SLC17A1: variants seen among roughly 807,000 people sequenced by gnomAD.
The protein encoded by SLC17A1 is sodium-dependent phosphate transport protein 1.
A neutral mutation model predicts 53.5 loss-of-function variants in SLC17A1; 51 were observed. The observed-to-expected ratio is 0.95, with a 90% CI of 0.76 to 1.20. The LOEUF (loss-of-function observed/expected upper bound fraction) is 1.20, where lower values mean the gene tolerates loss of function less well. SLC17A1 is among the 50% of genes most tolerant of loss of function. The pLI, the probability that SLC17A1 is intolerant of heterozygous loss-of-function variation, is 0.00. For synonymous variants in SLC17A1, 179 were observed against 198.8 expected, an observed-to-expected ratio of 0.90 and a Z score of 0.84; for missense variants, 538 against 568.2, an observed-to-expected ratio of 0.95 and a Z score of 0.54.
the SLC17A1 span, among the ~76,000 whole-genome samples, chr6:25,736,683 C>T: frequency 6.6e-6 from 1 of 152,138 alleles, no homozygotes; most frequent in South Asian, 2.1e-4. Flanking sequence ...ATGGGCAGGT[C>T]TGACTCTCAG....
At chr6:25,777,760 G>A in the SLC17A1 span, 6 of 601,006 alleles carry the variant, frequency 1.0e-5, no homozygotes, top group South Asian at 1.2e-4. Flanking sequence ...GTTTCACCAA[G>A]GCTTACACAA....
rs745411804 is a variant in SLC17A1 at position 25,811,770 on chromosome 6, T to C, written c.898A>G (p.Asn300Asp). The change falls in exon 9 of 13, where the codon AAT (asparagine) becomes GAT (aspartate). Residue 300 changes from asparagine (N) to aspartate (D), a missense_variant and splice_region_variant. Physicochemically the swap from Asn to Asp is conservative, Grantham distance 23. Coordinates refer to ENST00000244527, the MANE Select transcript of SLC17A1 (RefSeq NM_005074.5). ...TAGGGAAGGGAAGACAAGAACCCAT[T>C]CTGAAGAGGAAACATTATTCTTGGA... is the stretch of plus-strand genomic sequence containing the variant. ...NSMLHVNIKE[N>D]GFLSSLPYLF... 2.5e-6 allele frequency: 4 copies of C among 1,613,582 alleles called. No homozygotes were observed. Among genetic ancestry groups the C allele is most frequent in the Non-Finnish European group, 3.4e-6 (4 of 1,179,654 alleles).
the SLC17A1 span, among the ~76,000 whole-genome samples, chr6:25,733,439 C>A: frequency 7.8e-4 from 119 of 152,120 alleles, no homozygotes; most frequent in Non-Finnish European, 1.5e-3. Context: ...TCCTAGGGCG[C>A]ATGTTTTCTT....
chr6:25,826,482 C>CT lies in SLC17A1; in HGVS notation c.185dup (p.Lys63GlufsTer5). ...GTACCTTTATATTATCCAGGAGCTTCTTTGTGGAGGTGTTGGGCAAACCAT... is the reference window on the plus strand; with the variant it reads ...GTACCTTTATATTATCCAGGAGCTTCTTTTGTGGAGGTGTTGGGCAAACCAT... On this transcript the variant is annotated frameshift_variant, in exon 3 of 13. Coordinates refer to ENST00000244527, the MANE Select transcript of SLC17A1 (RefSeq NM_005074.5). LOFTEE classifies it high-confidence loss of function. 6.2e-7 allele frequency: 1 copy of CT among 1,605,728 alleles called. No homozygotes were observed. Among genetic ancestry groups the CT allele is most frequent in the Non-Finnish European group, 8.5e-7 (1 of 1,176,650 alleles).
the SLC17A1 span, among the ~76,000 whole-genome samples, chr6:25,728,740 GGAGGCGGAGGTTGCAGT>G: frequency 6.6e-6 from 1 of 152,196 alleles, no homozygotes; most frequent in African/African-American, 2.4e-5. Flanking sequence ...CTTGAACCCG[GGAGGCGGAGGTTGCAGT>G]GAGCCGAGAT....
chr6:25,792,880 T>C (rs944690722), intron 12 of SLC17A1, among the ~76,000 whole-genome samples: 1 of 152,170 alleles, frequency 6.6e-6, no homozygotes, highest in African/African-American at 2.4e-5. Flanking sequence ...CATCTCTCAC[T>C]TGAACCTCTG....
At chr6:25,821,526 G>A (rs1206611205) in intron 3 of SLC17A1, among the ~76,000 whole-genome samples, 1 of 152,170 alleles carries the variant, frequency 6.6e-6, no homozygotes, top group Non-Finnish European at 1.5e-5. Context: ...GAAGCACCAA[G>A]GAAGTCAATA....
rs6933725 is a variant in SLC17A1 at position 25,819,939 on chromosome 6, C to A, written c.208-24G>T. 2.7e-6 allele frequency: 4 copies of A among 1,470,818 alleles called. No homozygotes were observed. The South Asian group carries it at 4.9e-5, about 18-fold the overall frequency. The allele number at this position is 1,470,818 out of a possible 1,614,324, so 91.1% of individuals were successfully genotyped here. ...TTCTAAAAGACAAGGGGGGACATGT[C>A]GAATCACTCTGCATATCAGAAATTT... On this transcript the variant is annotated intron_variant, in intron 3 of 12. Coordinates refer to ENST00000244527, the MANE Select transcript of SLC17A1 (RefSeq NM_005074.5).
chr6:25,799,517 G>A (rs1009783420), intron 11 of SLC17A1, among the ~76,000 whole-genome samples: 1 of 152,064 alleles, frequency 6.6e-6, no homozygotes, highest in Non-Finnish European at 1.5e-5. Context: ...GCTATCAGAG[G>A]AGAACCAGAA....
chr6:25,820,002 T>C, intron 3 of SLC17A1, 87 bp from the exon 4 acceptor site: 1 of 870,558 alleles, frequency 1.1e-6, no homozygotes, highest in Non-Finnish European at 1.8e-6. Flanking sequence ...CTGTTCTGGC[T>C]CACCTCATGG....
At chr6:25,769,923 A>G in the SLC17A1 span, 2 of 713,742 alleles carry the variant, frequency 2.8e-6, no homozygotes, top group Non-Finnish European at 4.7e-6. Flanking sequence ...AGGGTTTTTA[A>G]ATACATGATA....
intron 6 of SLC17A1, among the ~76,000 whole-genome samples, chr6:25,815,563 A>G (rs1402948467): frequency 6.6e-6 from 1 of 151,946 alleles, no homozygotes; most frequent in Non-Finnish European, 1.5e-5. Flanking sequence ...AGAAATGCAA[A>G]TACAACGTTT....
At chr6:25,737,345 A>G in the SLC17A1 span, among the ~76,000 whole-genome samples, 3 of 152,012 alleles carry the variant, frequency 2.0e-5, no homozygotes, top group Admixed American at 6.6e-5. Flanking sequence ...TCAGAAGTGG[A>G]CTCAGCTTCA....
the SLC17A1 span, among the ~76,000 whole-genome samples, chr6:25,752,979 A>C: frequency 0.049 from 7,384 of 151,546 alleles, 526 homozygotes; most frequent in African/African-American, 0.15. Flanking sequence ...CAAAAAAAAA[A>C]CACCAAACAT....
At chr6:25,805,859 G>T (rs1361652752) in intron 10 of SLC17A1, among the ~76,000 whole-genome samples, 2 of 151,946 alleles carry the variant, frequency 1.3e-5, no homozygotes, top group African/African-American at 4.8e-5. Context: ...CAAGCAGTGA[G>T]ATTAAATCAG....
chr6:25,726,822 T>C, the SLC17A1 span: 66 of 1,465,272 alleles, frequency 4.5e-5, no homozygotes, highest in East Asian at 1.5e-3. Flanking sequence ...TTTGGAGCTG[T>C]TTAATACTGA....
intron 3 of SLC17A1, among the ~76,000 whole-genome samples, chr6:25,822,606 T>C (rs1764602009): frequency 1.3e-5 from 2 of 152,164 alleles, no homozygotes; most frequent in Non-Finnish European, 2.9e-5. Flanking sequence ...CTGATGCATG[T>C]GCTAGAGAAA....
At chr6:25,815,710 C>T (rs887992631) in intron 6 of SLC17A1, among the ~76,000 whole-genome samples, 8 of 152,142 alleles carry the variant, frequency 5.3e-5, no homozygotes, top group Non-Finnish European at 1.0e-4. Context: ...AGGGCGTGGC[C>T]TCGGAACTTC....
the SLC17A1 span, chr6:25,726,146 C>G: frequency 6.5e-7 from 1 of 1,545,300 alleles, no homozygotes; most frequent in Non-Finnish European, 8.7e-7. Context: ...TTGCTTTGGG[C>G]TTTATGGTGG....
Sources: allele counts gnomAD v4.1 joint callset (sites outside exome capture counted in the v4.1 genomes callset), GRCh38; gene constraint gnomAD v4.1.1; transcripts MANE v1.5; gene names NCBI Gene and HGNC (gene_info 2026-07-23, HGNC 2026-07-21).